The following SGCZ variants were observed in gnomAD, a reference collection of about 807,000 sequenced individuals.
SGCZ encodes the protein zeta-sarcoglycan.
SGCZ carries 40 observed loss-of-function variants against 41.3 expected under a neutral mutation model. That is an observed-to-expected ratio of 0.97 (90% CI 0.75 to 1.26). The LOEUF (loss-of-function observed/expected upper bound fraction) is 1.26, where lower values mean the gene tolerates loss of function less well. Among genes scored for constraint, SGCZ ranks in the 50% most tolerant of loss-of-function variants. The pLI, the probability that SGCZ is intolerant of heterozygous loss-of-function variation, is 0.00. For synonymous variants in SGCZ, 206 were observed against 137.5 expected, an observed-to-expected ratio of 1.50 and a Z score of -3.49; for missense variants, 552 against 369.8, an observed-to-expected ratio of 1.49 and a Z score of -4.04.
At chr8:15,053,960 A>G (rs983041335) in intron 1 of SGCZ, among the ~76,000 whole-genome samples, 1 of 152,170 alleles carries the variant, frequency 6.6e-6, no homozygotes, top group African/African-American at 2.4e-5. Context: ...CAAAATTGAA[A>G]GCAAGAAACA....
At chr8:14,393,425 C>T (rs1804856944) in intron 2 of SGCZ, among the ~76,000 whole-genome samples, 2 of 152,120 alleles carry the variant, frequency 1.3e-5, no homozygotes, top group Non-Finnish European at 2.9e-5. Context: ...AAAGAGCAGA[C>T]AAAATGGCGC....
intron 1 of SGCZ, among the ~76,000 whole-genome samples, chr8:15,201,728 G>A (rs1800896184): frequency 6.6e-6 from 1 of 152,138 alleles, no homozygotes; most frequent in African/African-American, 2.4e-5. Flanking sequence ...ACATTGCAAT[G>A]CATAGAAACT....
intron 4 of SGCZ, among the ~76,000 whole-genome samples, chr8:14,173,160 G>C (rs1254047675): frequency 1.5e-5 from 2 of 130,794 alleles, no homozygotes; most frequent in Admixed American, 7.2e-5. Context: ...CTAACTTCCT[G>C]CTTTGAGAGT....
chr8:14,946,073 A>G (rs1376669753), intron 1 of SGCZ, among the ~76,000 whole-genome samples: 2 of 103,316 alleles, frequency 1.9e-5, no homozygotes, highest in Non-Finnish European at 3.8e-5. Context: ...TCTGTATACT[A>G]TTGGTTCTGT....
At chr8:14,963,880 T>C (rs2130855055) in intron 1 of SGCZ, among the ~76,000 whole-genome samples, 1 of 152,312 alleles carries the variant, frequency 6.6e-6, no homozygotes, top group Non-Finnish European at 1.5e-5. Flanking sequence ...TTCTTTTCAG[T>C]GCTTTCTAAA....
intron 1 of SGCZ, among the ~76,000 whole-genome samples, chr8:14,893,637 T>C (rs1442146199): frequency 2.0e-5 from 3 of 152,200 alleles, no homozygotes; most frequent in African/African-American, 7.2e-5. Flanking sequence ...AATAATGCTG[T>C]CATTTATCAG....
At chr8:14,462,009 C>T (rs1420881294) in intron 2 of SGCZ, among the ~76,000 whole-genome samples, 1 of 151,996 alleles carries the variant, frequency 6.6e-6, no homozygotes, top group Non-Finnish European at 1.5e-5. Context: ...TTACCTCATT[C>T]AATTATTAAT....
chr8:14,850,991 C>T (rs550569061), intron 1 of SGCZ, among the ~76,000 whole-genome samples: 1 of 152,062 alleles, frequency 6.6e-6, no homozygotes, highest in South Asian at 2.1e-4. Context: ...TTCTTCATAG[C>T]TGTATGAAAA....
intron 2 of SGCZ, among the ~76,000 whole-genome samples, chr8:14,325,642 TATA>T (rs1157620542): frequency 4.8e-5 from 7 of 146,394 alleles, no homozygotes; most frequent in African/African-American, 1.7e-4. Flanking sequence ...TATAATCACA[TATA>T]ATCAATGATA....
intron 4 of SGCZ, among the ~76,000 whole-genome samples, chr8:14,206,923 A>G (rs1805635416): frequency 6.6e-6 from 1 of 152,128 alleles, no homozygotes; most frequent in Admixed American, 6.5e-5. Context: ...CCTTCAACCC[A>G]CACCAAGGCA....
chr8:14,514,512 T>A (rs1802555132), intron 2 of SGCZ, among the ~76,000 whole-genome samples: 1 of 151,654 alleles, frequency 6.6e-6, no homozygotes, highest in African/African-American at 2.4e-5. Context: ...GTACATGAGG[T>A]GAAATCAATA....
At chr8:15,141,446 A>T (rs1808317160) in intron 1 of SGCZ, among the ~76,000 whole-genome samples, 2 of 152,250 alleles carry the variant, frequency 1.3e-5, no homozygotes, top group Admixed American at 1.3e-4. Flanking sequence ...TGTTTTAAAA[A>T]GATGTCCACA....
At chr8:14,550,518 G>A (rs1462770181) in intron 2 of SGCZ, among the ~76,000 whole-genome samples, 1 of 151,956 alleles carries the variant, frequency 6.6e-6, no homozygotes, top group Non-Finnish European at 1.5e-5. Flanking sequence ...AGTTTAAAGT[G>A]TCAGTGATGA....
At chr8:14,128,204 A>C (rs1451753545) in intron 5 of SGCZ, among the ~76,000 whole-genome samples, 4 of 152,248 alleles carry the variant, frequency 2.6e-5, no homozygotes, top group Non-Finnish European at 5.9e-5. Flanking sequence ...AAAAATGGGC[A>C]AATGACATAA....
intron 1 of SGCZ, among the ~76,000 whole-genome samples, chr8:15,045,119 T>C (rs1275742787): frequency 1.3e-5 from 2 of 151,936 alleles, no homozygotes; most frequent in Non-Finnish European, 2.9e-5. Flanking sequence ...TTAATAAATA[T>C]TACACTTGGG....
In SGCZ at chr8:14,500,486, A is replaced by T. The variant is rs150892790; in HGVS notation, c.234+54246T>A. ...ATTAGAGAATGCCTAATTAGCTAGG[A>T]AGAAAAACATTTTAAGTAGACAAAA... On this transcript the variant is annotated intron_variant, in intron 2 of 7. Transcript: ENST00000382080. 8.5e-4 allele frequency among the ~76,000 whole-genome samples: 130 copies of T among 152,148 alleles called. 1 individual carries two copies. In the East Asian group the frequency reaches 0.021, roughly 25 times the overall value.
chr8:15,104,736 A>G (rs1806754761), intron 1 of SGCZ, among the ~76,000 whole-genome samples: 1 of 152,346 alleles, frequency 6.6e-6, no homozygotes. Flanking sequence ...AACAACATAT[A>G]GAAGTGTACC....
At chr8:14,391,931 T>C (rs1257467391) in intron 2 of SGCZ, among the ~76,000 whole-genome samples, 1 of 152,020 alleles carries the variant, frequency 6.6e-6, no homozygotes, top group Admixed American at 6.6e-5. Flanking sequence ...GAAAATTCAC[T>C]ATTGCAAGGA....
At chr8:14,574,414 T>G (rs1585092495) in intron 1 of SGCZ, among the ~76,000 whole-genome samples, 1 of 151,922 alleles carries the variant, frequency 6.6e-6, no homozygotes, top group Non-Finnish European at 1.5e-5. Context: ...ACTCTAACTT[T>G]CCCCCAGCTT....
Sources: allele counts gnomAD v4.1 joint callset (sites outside exome capture counted in the v4.1 genomes callset), GRCh38; gene constraint gnomAD v4.1.1; transcripts MANE v1.5; gene names NCBI Gene and HGNC (gene_info 2026-07-23, HGNC 2026-07-21).